Variants in PGM5 observed in about 807,000 individuals in gnomAD.
PGM5 encodes the protein phosphoglucomutase 5.
PGM5 carries 23 observed loss-of-function variants against 59.2 expected under a neutral mutation model. That is an observed-to-expected ratio of 0.39 (90% confidence interval 0.28 to 0.55). The LOEUF is 0.55. Among genes scored for constraint, PGM5 ranks in the 20% least tolerant of loss-of-function variants. The probability of loss-of-function intolerance (pLI) is 0.66; values close to 1 mark genes in which losing one functional copy is unlikely to be tolerated. For missense variants in PGM5, 574 were observed against 748.3 expected (o/e 0.77, Z 2.72); for synonymous variants, 214 against 286.0 (o/e 0.75, Z 2.54).
chr9:68,489,875 T>A (rs1824361334), intron 9 of PGM5, among the ~76,000 whole-genome samples: 1 of 152,104 alleles, frequency 6.6e-6, no homozygotes, highest in South Asian at 2.1e-4. Context: ...CAAATCCAAT[T>A]TGATTATGTC....
chr9:68,490,877 A>G (rs527738380), intron 9 of PGM5, among the ~76,000 whole-genome samples: 56 of 152,338 alleles, frequency 3.7e-4, no homozygotes, highest in African/African-American at 1.3e-3. Context: ...TTCTACACTG[A>G]GTCACAGAAC....
chr9:68,394,977 A>G (rs1432462424), intron 6 of PGM5, among the ~76,000 whole-genome samples: 1 of 152,094 alleles, frequency 6.6e-6, no homozygotes, highest in Non-Finnish European at 1.5e-5. Context: ...AATTTTGATG[A>G]AGTCCAGTTT....
In PGM5 at chr9:68,406,918, G is replaced by A. The variant is rs184337330; in HGVS notation, c.1043+14445G>A. ...TGTGCTCAGGCCCCGTCTTCCACAT[G>A]TGGATACTAGTGAGGCAGGGGTGCT... On this transcript the variant is annotated intron_variant, in intron 6 of 10. Coordinates refer to ENST00000396396, the MANE Select transcript of PGM5 (RefSeq NM_021965.4). 3.0e-4 allele frequency among the ~76,000 whole-genome samples: 46 copies of A among 151,340 alleles called. 1 individual carries two copies. The highest frequency in any genetic ancestry group is 2.8e-3 in the Admixed American group (43 of 15,204).
intron 7 of PGM5, among the ~76,000 whole-genome samples, chr9:68,467,422 C>G (rs929669229): frequency 1.3e-5 from 2 of 152,150 alleles, no homozygotes. Flanking sequence ...CATCTCAGAT[C>G]TCTGAGTTCA....
intron 7 of PGM5, 121 bp from the exon 8 acceptor site, chr9:68,479,297 T>C: frequency 1.2e-6 from 1 of 815,808 alleles, no homozygotes. Flanking sequence ...TTTAATATAA[T>C]GGGTAAATGA....
chr9:68,373,669 C>T, intron 1 of PGM5, among the ~76,000 whole-genome samples: 1 of 152,120 alleles, frequency 6.6e-6, no homozygotes, highest in Middle Eastern at 3.2e-3. Context: ...TTCGCTACTG[C>T]TTAAGAAAAT....
At chr9:68,525,436 A>G (rs761879888) in intron 10 of PGM5, among the ~76,000 whole-genome samples, 22 of 152,210 alleles carry the variant, frequency 1.4e-4, no homozygotes, top group Admixed American at 3.3e-4. Flanking sequence ...AACAGACCAC[A>G]TATTCCATGG....
At chr9:68,366,827 A>G (rs1396757052) in intron 1 of PGM5, among the ~76,000 whole-genome samples, 1 of 152,222 alleles carries the variant, frequency 6.6e-6, no homozygotes, top group East Asian at 1.9e-4. Context: ...ATAATGGGTT[A>G]CAGCATTATG....
chr9:68,494,339 T>C (rs888115135), intron 9 of PGM5, among the ~76,000 whole-genome samples: 1 of 152,220 alleles, frequency 6.6e-6, no homozygotes, highest in African/African-American at 2.4e-5. Context: ...CCTCACTGTG[T>C]TAACAGCCCT....
At chr9:68,526,195 T>C (rs1824971124) in intron 10 of PGM5, among the ~76,000 whole-genome samples, 1 of 152,204 alleles carries the variant, frequency 6.6e-6, no homozygotes, top group Non-Finnish European at 1.5e-5. Context: ...TCTAAAGAAG[T>C]TCTGTGGTTC....
intron 8 of PGM5, among the ~76,000 whole-genome samples, chr9:68,483,430 A>G (rs781888562): frequency 4.6e-5 from 7 of 152,196 alleles, no homozygotes; most frequent in African/African-American, 2.4e-5. Context: ...TAGAGGGAAC[A>G]CACAGCTAGC....
In PGM5 at chr9:68,516,928, A is replaced by G. The variant is rs531003096; in HGVS notation, c.1615-12639A>G. On this transcript the variant is annotated intron_variant, in intron 10 of 10. Transcript: ENST00000396396. ...CTCTTGTTGCCCAGGCTGGAGTGCAATGGCGCGGTCTCGGCTCACTGCAAC... is the reference window on the plus strand; with the variant it reads ...CTCTTGTTGCCCAGGCTGGAGTGCAGTGGCGCGGTCTCGGCTCACTGCAAC... Among the ~76,000 whole-genome samples the G allele has an allele frequency of 2.0e-5, 3 of 151,858 alleles. No homozygotes were observed. In the East Asian group the frequency reaches 5.8e-4, roughly 29 times the overall value.
intron 1 of PGM5, among the ~76,000 whole-genome samples, chr9:68,366,729 CT>C (rs1377604283): frequency 6.6e-6 from 1 of 151,918 alleles, no homozygotes; most frequent in Non-Finnish European, 1.5e-5. Context: ...GCCTAGCCTC[CT>C]AGGGTTTATT....
chr9:68,411,175 A>C (rs1224497710), intron 6 of PGM5, among the ~76,000 whole-genome samples: 1 of 152,034 alleles, frequency 6.6e-6, no homozygotes, highest in Non-Finnish European at 1.5e-5. Context: ...TGATTCTCTT[A>C]ATATGAAAAG....
intron 6 of PGM5, among the ~76,000 whole-genome samples, chr9:68,442,235 A>C (rs1469284277): frequency 6.6e-6 from 1 of 152,242 alleles, no homozygotes; most frequent in East Asian, 1.9e-4. Context: ...AGGAACTAGA[A>C]GAGGCAGAAC....
intron 8 of PGM5, among the ~76,000 whole-genome samples, chr9:68,482,831 T>A (rs1462356211): frequency 6.6e-6 from 1 of 152,288 alleles, no homozygotes; most frequent in Non-Finnish European, 1.5e-5. Flanking sequence ...TGCCTGGCAC[T>A]GTGCCAACTC....
chr9:68,491,158 C>T (rs1824383135), intron 9 of PGM5, among the ~76,000 whole-genome samples: 1 of 152,198 alleles, frequency 6.6e-6, no homozygotes, highest in African/African-American at 2.4e-5. Flanking sequence ...GTTGAGATTC[C>T]TGTCTGCTGC....
At position 68,530,412 on chromosome 9, in the gene PGM5, ACT is replaced by A. The variant is rs1459743274; in HGVS notation, c.*759_*760del. On this transcript the variant is annotated 3_prime_UTR_variant, in exon 11 of 11. Coordinates refer to ENST00000396396, the MANE Select transcript of PGM5 (RefSeq NM_021965.4). ...AGTTGGGAAGAAGTTTCTTGACAAG[ACT>A]CTGCAATTAAATGCTTAAAATTTGG... The A allele has an allele frequency of 3.3e-5, 5 of 152,124 alleles. No homozygotes were observed. The highest frequency in any genetic ancestry group is 1.5e-5 in the Non-Finnish European group (1 of 68,030). The allele number at this position is 152,124 out of a possible 1,614,324, so 9.4% of individuals were successfully genotyped here. A position where few individuals can be genotyped will look rare whatever the true frequency, so the allele number is the denominator to read the frequency against.
At chr9:68,359,837 T>C (rs1232769447) in intron 1 of PGM5, among the ~76,000 whole-genome samples, 3 of 152,262 alleles carry the variant, frequency 2.0e-5, no homozygotes, top group African/African-American at 7.2e-5. Flanking sequence ...AATTTTCTTT[T>C]TTTAAATTAA....
Sources: allele counts gnomAD v4.1 joint callset (sites outside exome capture counted in the v4.1 genomes callset), GRCh38; gene constraint gnomAD v4.1.1; transcripts MANE v1.5; gene names NCBI Gene and HGNC (gene_info 2026-07-23, HGNC 2026-07-21).